SHISA9: variants seen among roughly 807,000 people sequenced by gnomAD.
SHISA9 encodes the protein protein shisa-9.
Under a neutral mutation model 38.0 loss-of-function variants are expected in SHISA9, and 13 were observed. That is an observed-to-expected ratio of 0.34 (90% confidence interval 0.22 to 0.54). The LOEUF is 0.54. SHISA9 is among the 20% of genes least tolerant of loss of function. The probability of loss-of-function intolerance (pLI) is 0.91; values close to 1 mark genes in which losing one functional copy is unlikely to be tolerated. For synonymous variants in SHISA9, 275 were observed against 242.0 expected (o/e 1.14, Z -1.27); for missense variants, 538 against 575.8 (o/e 0.93, Z 0.67).
the SHISA9 span, among the ~76,000 whole-genome samples, chr16:13,450,448 C>G: frequency 2.6e-5 from 4 of 152,228 alleles, no homozygotes; most frequent in African/African-American, 9.6e-5. Context: ...CCTCTAGAAG[C>G]CATTCATGGC....
At chr16:13,024,729 A>G (rs527711509) in intron 2 of SHISA9, among the ~76,000 whole-genome samples, 6 of 152,316 alleles carry the variant, frequency 3.9e-5, no homozygotes, top group South Asian at 2.1e-4. Flanking sequence ...GGGGGTGACA[A>G]TACCCATTTC....
intron 2 of SHISA9, among the ~76,000 whole-genome samples, chr16:13,062,645 G>T (rs1275667588): frequency 6.6e-6 from 1 of 152,156 alleles, no homozygotes; most frequent in African/African-American, 2.4e-5. Context: ...GGAGTTTCCT[G>T]GAGTAGGGGG....
At chr16:12,904,060 G>A (rs2071060079) in intron 1 of SHISA9, among the ~76,000 whole-genome samples, 1 of 152,038 alleles carries the variant, frequency 6.6e-6, no homozygotes, top group Non-Finnish European at 1.5e-5. Flanking sequence ...AGTAAGCTCC[G>A]AGGGGCTTCA....
chr16:13,022,529 C>T (rs1410962153), intron 2 of SHISA9, among the ~76,000 whole-genome samples: 3 of 152,060 alleles, frequency 2.0e-5, no homozygotes, highest in Non-Finnish European at 2.9e-5. Context: ...CGGGGTTTCA[C>T]CATGTTGGCC....
At chr16:13,234,994 T>G (rs2142089129) in intron 4 of SHISA9, 36 bp from the exon 5 acceptor site, 1 of 1,506,188 alleles carries the variant, frequency 6.6e-7, no homozygotes, top group African/African-American at 1.4e-5. Context: ...CTCTTCTCTT[T>G]CTTCCCCTTC....
intron 2 of SHISA9, among the ~76,000 whole-genome samples, chr16:12,976,042 T>C (rs928961437): frequency 6.6e-6 from 1 of 152,144 alleles, no homozygotes; most frequent in Non-Finnish European, 1.5e-5. Context: ...ATGGGTTGGC[T>C]GCAAATTCAT....
the SHISA9 span, among the ~76,000 whole-genome samples, chr16:13,359,017 G>A: frequency 3.9e-5 from 6 of 152,288 alleles, no homozygotes; most frequent in Non-Finnish European, 7.3e-5. Flanking sequence ...TAATAGCTCT[G>A]TATTCCTGAA....
At position 13,098,214 on chromosome 16, in the gene SHISA9, T is replaced by C. The variant is rs768507385; in HGVS notation, c.692-105180T>C. Among the ~76,000 whole-genome samples the C allele has an allele frequency of 2.6e-4, 40 of 152,144 alleles. 2 individuals are homozygous for C. Among genetic ancestry groups the C allele is most frequent in the Non-Finnish European group, 7.3e-5 (5 of 68,030 alleles). Reference sequence around the variant, plus strand: ...GATCCTGGCTATGACACTTAGGGCCTCAGGCAAGCAACAACTTCTTTGAAC... The same window carrying C: ...GATCCTGGCTATGACACTTAGGGCCCCAGGCAAGCAACAACTTCTTTGAAC... On this transcript the variant is annotated intron_variant, in intron 2 of 4. Transcript: ENST00000558583.
the SHISA9 span, among the ~76,000 whole-genome samples, chr16:13,557,934 A>ACAC: frequency 6.6e-6 from 1 of 152,106 alleles, no homozygotes; most frequent in African/African-American, 2.4e-5. Flanking sequence ...CTCTGCATGG[A>ACAC]CACACTTTTC....
the SHISA9 span, among the ~76,000 whole-genome samples, chr16:13,513,087 A>G: frequency 2.0e-5 from 3 of 152,256 alleles, no homozygotes; most frequent in African/African-American, 7.2e-5. Flanking sequence ...ACAGAATGGG[A>G]GAAATATTTG....
the SHISA9 span, among the ~76,000 whole-genome samples, chr16:13,431,790 G>T: frequency 6.6e-6 from 1 of 152,224 alleles, no homozygotes; most frequent in Non-Finnish European, 1.5e-5. Context: ...GGCCGGGCAA[G>T]TGGCTCACGT....
At chr16:13,220,794 C>T (rs2142073581) in intron 4 of SHISA9, among the ~76,000 whole-genome samples, 1 of 152,270 alleles carries the variant, frequency 6.6e-6, no homozygotes, top group East Asian at 1.9e-4. Flanking sequence ...GGAGAATGAG[C>T]CTGTCCACCG....
intron 2 of SHISA9, among the ~76,000 whole-genome samples, chr16:13,005,844 C>A (rs1215981913): frequency 6.6e-6 from 1 of 152,206 alleles, no homozygotes; most frequent in Admixed American, 6.5e-5. Flanking sequence ...TGGACATTGA[C>A]ATCCTAGGGA....
chr16:13,251,588 C>T, the SHISA9 span, among the ~76,000 whole-genome samples: 11 of 152,176 alleles, frequency 7.2e-5, no homozygotes, highest in African/African-American at 2.2e-4. Flanking sequence ...TGATTTCTTC[C>T]AGCTCCTCAG....
At chr16:13,349,329 G>T in the SHISA9 span, among the ~76,000 whole-genome samples, 1 of 152,282 alleles carries the variant, frequency 6.6e-6, no homozygotes, top group South Asian at 2.1e-4. Flanking sequence ...AGGCAGCTCT[G>T]GGTTCTTCAG....
intron 2 of SHISA9, among the ~76,000 whole-genome samples, chr16:13,149,473 C>G (rs754891306): frequency 6.6e-6 from 1 of 152,098 alleles, no homozygotes; most frequent in African/African-American, 2.4e-5. Context: ...GGTAGTATAG[C>G]GTAGTGGTTA....
At chr16:13,552,015 A>G in the SHISA9 span, among the ~76,000 whole-genome samples, 1 of 152,034 alleles carries the variant, frequency 6.6e-6, no homozygotes, top group African/African-American at 2.4e-5. Context: ...TAACAGAACG[A>G]GACTCCATCT....
intron 2 of SHISA9, among the ~76,000 whole-genome samples, chr16:13,105,564 G>A (rs1023737209): frequency 2.6e-5 from 4 of 152,228 alleles, no homozygotes; most frequent in Non-Finnish European, 5.9e-5. Context: ...ACTGGTTGTG[G>A]GGAGACTCCG....
At chr16:13,196,034 G>T (rs1000371938) in intron 2 of SHISA9, among the ~76,000 whole-genome samples, 4 of 136,232 alleles carry the variant, frequency 2.9e-5, no homozygotes, top group African/African-American at 1.1e-4. Flanking sequence ...GCTGCAGCGA[G>T]CTGAGATTGC....
Sources: allele counts gnomAD v4.1 joint callset (sites outside exome capture counted in the v4.1 genomes callset), GRCh38; gene constraint gnomAD v4.1.1; transcripts MANE v1.5; gene names NCBI Gene and HGNC (gene_info 2026-07-23, HGNC 2026-07-21).